Variants in ZRANB3 observed in about 807,000 individuals in gnomAD.
The protein encoded by ZRANB3 is DNA annealing helicase and endonuclease ZRANB3.
ZRANB3 carries 125 observed loss-of-function variants against 133.8 expected under a neutral mutation model. That is an observed-to-expected ratio of 0.93 (90% CI 0.81 to 1.08). The LOEUF is 1.08. Among genes scored for constraint, ZRANB3 ranks in the 50% least tolerant of loss-of-function variants. The pLI is 0.00. For missense variants in ZRANB3, 1,229 were observed against 1,275.5 expected (o/e 0.96, Z 0.56); for synonymous variants, 387 against 432.7 (o/e 0.89, Z 1.31).
chr2:135,284,559 C>T (rs994973246), intron 8 of ZRANB3, among the ~76,000 whole-genome samples: 2 of 152,198 alleles, frequency 1.3e-5, no homozygotes, highest in Non-Finnish European at 2.9e-5. Flanking sequence ...GCAAGCTCCG[C>T]CTCCCGGGTT....
chr2:135,317,870 T>C (rs1383758575), intron 6 of ZRANB3, among the ~76,000 whole-genome samples: 2 of 152,134 alleles, frequency 1.3e-5, no homozygotes, highest in Non-Finnish European at 2.9e-5. Context: ...ATCTCTTTCA[T>C]CTAGAGCTTC....
chr2:135,327,327 GA>G (rs1168969922), intron 6 of ZRANB3, among the ~76,000 whole-genome samples: 1 of 151,848 alleles, frequency 6.6e-6, no homozygotes, highest in Non-Finnish European at 1.5e-5. Context: ...AAATCTCCAG[GA>G]AAACGAAAAA....
rs544797940 is a variant in ZRANB3 at position 135,294,771 on chromosome 2, T to A, written c.966+18718A>T. ...TTCCCTCTACACACTGCTTTGAATG[T>A]GTCCCAGAGACTTTGGTATGTTGTG... On this transcript the variant is annotated intron_variant, in intron 8 of 20. Transcript: ENST00000264159. Among the ~76,000 whole-genome samples the A allele has an allele frequency of 5.9e-5, 9 of 152,302 alleles. No individual in the cohort carries two copies. The South Asian group carries it at 1.9e-3, about 32-fold the overall frequency.
At chr2:135,280,994 G>C (rs1189094746) in intron 8 of ZRANB3, among the ~76,000 whole-genome samples, 3 of 152,138 alleles carry the variant, frequency 2.0e-5, no homozygotes, top group Non-Finnish European at 4.4e-5. Flanking sequence ...TACCTTTGAT[G>C]TATAAACCCT....
At chr2:135,291,754 C>G (rs1365093153) in intron 8 of ZRANB3, among the ~76,000 whole-genome samples, 1 of 151,286 alleles carries the variant, frequency 6.6e-6, no homozygotes, top group Non-Finnish European at 1.5e-5. Context: ...CCTTCCCCCA[C>G]CCCACAACAG....
chr2:135,350,196 C>A lies in ZRANB3; in HGVS notation c.379G>T (p.Val127Leu). 6.3e-7 allele frequency: 1 copy of A among 1,595,738 alleles called. No homozygotes were observed. Among genetic ancestry groups the A allele is most frequent in the South Asian group, 1.1e-5 (1 of 89,050 alleles). ...AAGAGACCATAACCCAGAACTGTCA[C>A]TTTACTGGTCGACATTCTCCTAGAA... ...TDVRRMSTSKVTVLGYGLLTA... is the reference protein window; with the variant it reads ...TDVRRMSTSKLTVLGYGLLTA... The change falls in exon 5 of 21, where the codon GTG (valine) becomes TTG (leucine). Residue 127 changes from valine (V) to leucine (L), a missense_variant. Val to Leu is a conservative substitution (Grantham distance 32, BLOSUM62 1). Coordinates refer to ENST00000264159, the MANE Select transcript of ZRANB3 (RefSeq NM_032143.4).
intron 6 of ZRANB3, among the ~76,000 whole-genome samples, chr2:135,334,763 C>T (rs898796626): frequency 1.1e-5 from 1 of 89,152 alleles, no homozygotes; most frequent in Non-Finnish European, 1.8e-5. Context: ...GGCATGGTGG[C>T]GCGCGCCTGT....
intron 3 of ZRANB3, among the ~76,000 whole-genome samples, chr2:135,358,469 A>G (rs1378716631): frequency 6.6e-6 from 1 of 152,176 alleles, no homozygotes; most frequent in Non-Finnish European, 1.5e-5. Flanking sequence ...GAAAAAACAA[A>G]TTATGGGAGC....
In ZRANB3 at chr2:135,230,786, C is replaced by A. The variant is rs182848471; in HGVS notation, c.1681G>T (p.Ala561Ser). 2 of 1,613,912 alleles carry A rather than the reference C, an allele frequency of 1.2e-6. No individual in the cohort carries two copies. Among genetic ancestry groups the A allele is most frequent in the Middle Eastern group, 1.6e-4 (1 of 6,062 alleles). ...CTTTCATAATCGATGATATCTCTTGCAGCTGTTTTTGTAGGGTCTGATGAC... is the reference window on the plus strand; with the variant it reads ...CTTTCATAATCGATGATATCTCTTGAAGCTGTTTTTGTAGGGTCTGATGAC... ...VVSSDPTKTAARDIIDYESDV... is the reference protein window; with the variant it reads ...VVSSDPTKTASRDIIDYESDV... The change falls in exon 13 of 21, where the codon GCA becomes TCA. Residue 561 changes from alanine (A) to serine (S), a missense_variant. Physicochemically the swap from Ala to Ser is moderately conservative, Grantham distance 99. Coordinates refer to ENST00000264159, the MANE Select transcript of ZRANB3 (RefSeq NM_032143.4).
chr2:135,457,063 G>A (rs114929672), intron 2 of ZRANB3, among the ~76,000 whole-genome samples: 85 of 152,182 alleles, frequency 5.6e-4, no homozygotes, highest in African/African-American at 1.7e-3. Flanking sequence ...TCATAAATAC[G>A]CCATCATACA....
chr2:135,334,552 A>C (rs1348100055), intron 6 of ZRANB3, among the ~76,000 whole-genome samples: 1 of 152,208 alleles, frequency 6.6e-6, no homozygotes, highest in Non-Finnish European at 1.5e-5. Context: ...AACAATGCTG[A>C]GGACAAAGGA....
chr2:135,510,545 T>C (rs979541570), intron 1 of ZRANB3: 41 of 662,760 alleles, frequency 6.2e-5, no homozygotes, highest in Non-Finnish European at 7.4e-5. Flanking sequence ...TCCATGAAGA[T>C]TCACTGCCAT....
At chr2:135,322,637 G>C (rs1023170736) in intron 6 of ZRANB3, among the ~76,000 whole-genome samples, 2 of 152,136 alleles carry the variant, frequency 1.3e-5, no homozygotes, top group Admixed American at 6.5e-5. Context: ...AGGATTGCTT[G>C]AGCCCAGGAG....
intron 2 of ZRANB3, among the ~76,000 whole-genome samples, chr2:135,445,299 C>T (rs576228805): frequency 1.3e-5 from 2 of 151,982 alleles, no homozygotes; most frequent in East Asian, 3.9e-4. Context: ...CAAAAATTAG[C>T]TGGTCATGTT....
chr2:135,326,856 C>G (rs143239451), intron 6 of ZRANB3, among the ~76,000 whole-genome samples: 178 of 141,860 alleles, frequency 1.3e-3, no homozygotes, highest in African/African-American at 3.6e-3. Context: ...GCAGAGATCA[C>G]GCCACTGCAC....
Position 135,390,840 on chromosome 2 carries a change from A to AT in ZRANB3, c.162-21_162-20insA. 6 of 1,517,568 alleles carry AT rather than the reference A, an allele frequency of 4.0e-6. No homozygotes were observed. The highest frequency in any genetic ancestry group is 1.3e-5 in the South Asian group (1 of 77,524). The allele number at this position is 1,517,568 out of a possible 1,614,324, so 94.0% of individuals were successfully genotyped here. A position where few individuals can be genotyped will look rare whatever the true frequency, so the allele number is the denominator to read the frequency against. On this transcript the variant is annotated intron_variant, in intron 2 of 20. Transcript: ENST00000264159. Reference sequence around the variant, plus strand: ...ATACACCTGGAAAAAAAAAAAAAAAAAAATTAATTATCAGAGTGAACCTTT... The same window carrying AT: ...ATACACCTGGAAAAAAAAAAAAAAAATAAATTAATTATCAGAGTGAACCTTT...
rs115439603 is a variant in ZRANB3, at chr2:135,497,099, A to G, written c.161+7230T>C. On this transcript the variant is annotated intron_variant, in intron 2 of 20. Transcript: ENST00000264159. Reference sequence around the variant, plus strand: ...AGATATACAGGACACCGAAAGAGCAATTAAGTAAATGTAAAAATAATTCAT... The same window carrying G: ...AGATATACAGGACACCGAAAGAGCAGTTAAGTAAATGTAAAAATAATTCAT... Among the ~76,000 whole-genome samples the G allele has an allele frequency of 9.8e-3, 1,494 of 152,358 alleles. 23 individuals are homozygous for G. Among genetic ancestry groups the G allele is most frequent in the African/African-American group, 0.034 (1,425 of 41,584 alleles).
At chr2:135,342,830 C>T (rs1281539899) in intron 6 of ZRANB3, among the ~76,000 whole-genome samples, 2 of 148,180 alleles carry the variant, frequency 1.3e-5, no homozygotes, top group East Asian at 1.9e-4. Context: ...TAAAGACACA[C>T]ATATACATAT....
chr2:135,314,065 T>C (rs1236101526), intron 7 of ZRANB3, among the ~76,000 whole-genome samples: 3 of 152,164 alleles, frequency 2.0e-5, no homozygotes, highest in Admixed American at 2.0e-4. Flanking sequence ...GGTTTCTCCA[T>C]ATTGGTTAGG....
Sources: gnomAD v4.1 joint callset for allele counts (sites outside exome capture counted in the v4.1 genomes callset) on GRCh38, gnomAD v4.1.1 for gene constraint, MANE v1.5 for transcripts, NCBI Gene and HGNC (gene_info 2026-07-23, HGNC 2026-07-21) for gene names.